Variants in CFAP74 observed in about 807,000 individuals in gnomAD.
The protein encoded by CFAP74 is cilia- and flagella-associated protein 74.
In CFAP74, 124 loss-of-function variants were observed where a neutral mutation model predicts 188.9. The observed-to-expected ratio is 0.66, with a 90% CI of 0.57 to 0.76. The LOEUF is 0.76. Ranked by LOEUF, CFAP74 falls within the 30% of genes least tolerant of loss-of-function variation. The pLI is 0.00. For synonymous variants in CFAP74, 956 were observed against 916.7 expected (o/e 1.04, Z -0.77); for missense variants, 2,198 against 2,165.2 (o/e 1.02, Z -0.30).
intron 1 of CFAP74, 123 bp downstream of exon 1, chr1:2,003,578 T>G (rs1401336906): frequency 6.6e-6 from 1 of 152,172 alleles, no homozygotes; most frequent in Non-Finnish European, 1.5e-5. Context: ...ATTAACAAAG[T>G]CATTTTTCTG....
intron 2 of CFAP74, among the ~76,000 whole-genome samples, chr1:1,989,520 G>T (rs577386413): frequency 6.6e-6 from 1 of 152,224 alleles, no homozygotes; most frequent in Non-Finnish European, 1.5e-5. Flanking sequence ...GAGTGCGGTG[G>T]CGTGATCTTG....
chr1:1,945,222 G>A lies in CFAP74; in HGVS notation c.2365-770C>T, dbSNP rs549496899. Among the ~76,000 whole-genome samples the A allele has an allele frequency of 1.9e-3, 285 of 152,134 alleles. No individual in the cohort carries two copies. The Middle Eastern group carries it at 0.027, about 15-fold the overall frequency. On this transcript the variant is annotated intron_variant, in intron 20 of 38. Coordinates refer to ENST00000682832, the MANE Select transcript of CFAP74 (RefSeq NM_001304360.2). ...CGTGGGAGGCTGAGGTGGGAGAATC[G>A]CTTGAACCCGGGAGGCAGAGGTTGC...
In CFAP74 at chr1:1,985,486, C is replaced by A. The variant is rs1446994577; in HGVS notation, c.400G>T (p.Ala134Ser). The change falls in exon 6 of 39, where the codon GCT becomes TCT. Residue 134 changes from alanine (A) to serine (S), a missense_variant. By Grantham distance (99) the Ala-to-Ser change is moderately conservative. Transcript: ENST00000682832. Reference sequence around the variant, plus strand: ...GACACGGCCTGGAGGCGGCCCACAGCGGCCCTGCAGTGGTGAACGGACAGG... The same window carrying A: ...GACACGGCCTGGAGGCGGCCCACAGAGGCCCTGCAGTGGTGAACGGACAGG... ...ATEEEAGNMA[A>S]VGRLQAVSRR... The A allele has an allele frequency of 1.2e-6, 2 of 1,613,480 alleles. No individual in the cohort carries two copies. Among genetic ancestry groups the A allele is most frequent in the African/African-American group, 2.7e-5 (2 of 75,076 alleles).
Position 1,988,621 on chromosome 1 carries a change from A to G in CFAP74, c.187T>C (p.Leu63=), listed in dbSNP as rs1657385713. The G allele has an allele frequency of 3.1e-6, 5 of 1,611,324 alleles. No individual in the cohort carries two copies. In the African/African-American group the frequency reaches 4.0e-5, roughly 13 times the overall value. The change falls in exon 4 of 39, where the codon TTG becomes CTG. Residue 63 remains leucine (L), a synonymous_variant. Transcript: ENST00000682832. ...CTGTCCTCAGCTGTTTTCTTCTTCA[A>G]TTTATCAGCATCAGTATCTAGTTCT... ...VKELDTDADK[L]KKKTAEDRTQ... is the part of the protein sequence containing the mutation.
chr1:1,990,462 G>C (rs1657503335), intron 2 of CFAP74, among the ~76,000 whole-genome samples: 1 of 151,392 alleles, frequency 6.6e-6, no homozygotes, highest in Non-Finnish European at 1.5e-5. Context: ...AACGGGGTGG[G>C]GAGTGGGGTG....
At position 1,970,947 on chromosome 1, in the gene CFAP74, C is replaced by G. The variant is rs563719067; in HGVS notation, c.889-131G>C. On this transcript the variant is annotated intron_variant, in intron 9 of 38. Coordinates refer to ENST00000682832, the MANE Select transcript of CFAP74 (RefSeq NM_001304360.2). ...CACACGTGCACACACACATGCACAC[C>G]TGCACATGCACACATCACACATGCA... The G allele has an allele frequency of 5.8e-5, 63 of 1,095,370 alleles. No homozygotes were observed. In the African/African-American group the frequency reaches 6.8e-4, roughly 12 times the overall value. The allele number at this position is 1,095,370 out of a possible 1,614,324, so 67.9% of individuals were successfully genotyped here. A position where few individuals can be genotyped will look rare whatever the true frequency, so the allele number is the denominator to read the frequency against.
At chr1:1,924,129 TCCAGCTCACTGCCCACCC>T (rs1431523832) in intron 34 of CFAP74, among the ~76,000 whole-genome samples, 200 bp from the exon 35 acceptor site, 2 of 35,122 alleles carry the variant, frequency 5.7e-5, no homozygotes, top group African/African-American at 2.7e-4. Flanking sequence ...AACCGCCCCC[TCCAGCTCACTGCCCACCC>T]CCCCAGCTCA....
Position 1,921,998 on chromosome 1 carries a change from C to T in CFAP74, c.*289G>A, listed in dbSNP as rs973392801. The T allele has an allele frequency of 1.6e-5, 7 of 437,948 alleles. No homozygotes were observed. The highest frequency in any genetic ancestry group is 1.2e-4 in the African/African-American group (6 of 48,538). 27.1% of individuals were successfully genotyped at this position (437,948 alleles called of 1,614,324 possible). A position where few individuals can be genotyped will look rare whatever the true frequency, so the allele number is the denominator to read the frequency against. ...ATTTATTGACAGGCTGTGGAGGGCT[C>T]TCCTGGGGGCTGGGGGCTCTGAGGG... On this transcript the variant is annotated 3_prime_UTR_variant, in exon 39 of 39. Coordinates refer to ENST00000682832, the MANE Select transcript of CFAP74 (RefSeq NM_001304360.2).
intron 19 of CFAP74, 140 bp downstream of exon 19, chr1:1,946,850 G>T: frequency 1.5e-6 from 1 of 683,368 alleles, no homozygotes; most frequent in Non-Finnish European, 2.5e-6. Flanking sequence ...GTCCCTGGTG[G>T]ACAAAGTCTG....
chr1:1,944,913 CTTTT>C (rs1379777544), intron 20 of CFAP74, among the ~76,000 whole-genome samples: 1 of 152,160 alleles, frequency 6.6e-6, no homozygotes, highest in Non-Finnish European at 1.5e-5. Flanking sequence ...GCCAAATATT[CTTTT>C]TATTTTCGAA....
chr1:1,997,221 G>A (rs989249658), intron 1 of CFAP74, among the ~76,000 whole-genome samples: 16 of 152,016 alleles, frequency 1.1e-4, no homozygotes, highest in Non-Finnish European at 2.9e-5. Flanking sequence ...TCAGGAGTTC[G>A]AGACCAGCCT....
At chr1:1,976,876 C>T (rs548328266) in intron 6 of CFAP74, among the ~76,000 whole-genome samples, 4 of 141,458 alleles carry the variant, frequency 2.8e-5, no homozygotes, top group African/African-American at 7.6e-5. Context: ...GAGACAGTCT[C>T]GCTCTGTTGC....
chr1:1,967,829 C>T (rs1233470949), intron 11 of CFAP74, among the ~76,000 whole-genome samples: 1 of 152,218 alleles, frequency 6.6e-6, no homozygotes, highest in African/African-American at 2.4e-5. Flanking sequence ...TACATTCCCC[C>T]AACTGAAGCC....
At chr1:1,985,657 C>A (rs930716804) in intron 5 of CFAP74, among the ~76,000 whole-genome samples, 167 bp from the exon 6 acceptor site, 2 of 152,272 alleles carry the variant, frequency 1.3e-5, no homozygotes, top group African/African-American at 4.8e-5. Context: ...TCCACATGCC[C>A]CTTTCCGCTG....
Position 1,973,183 on chromosome 1 carries a change from T to C in CFAP74, c.675-136A>G. Reference sequence around the variant, plus strand: ...TCAGCTCTGTCCCGCACAGCCTCCCTTGGGGAGGAGCGAGGGTCCCTGGAG... The same window carrying C: ...TCAGCTCTGTCCCGCACAGCCTCCCCTGGGGAGGAGCGAGGGTCCCTGGAG... On this transcript the variant is annotated intron_variant, in intron 7 of 38. Transcript: ENST00000682832. The surrounding 1 kb of genome is among the most constrained non-coding windows in gnomAD (Gnocchi z 6.2). 3.2e-6 allele frequency: 2 copies of C among 634,762 alleles called. No homozygotes were observed. The highest frequency in any genetic ancestry group is 5.5e-6 in the Non-Finnish European group (2 of 366,080). The allele number at this position is 634,762 out of a possible 1,614,324, so 39.3% of individuals were successfully genotyped here. A position where few individuals can be genotyped will look rare whatever the true frequency, so the allele number is the denominator to read the frequency against.
In CFAP74 at chr1:1,970,661, C is replaced by G. The variant is rs775597917; in HGVS notation, c.1044G>C (p.Lys348Asn). The G allele has an allele frequency of 4.1e-5, 66 of 1,605,820 alleles. No homozygotes were observed. The highest frequency in any genetic ancestry group is 4.9e-5 in the Non-Finnish European group (58 of 1,176,506). ...GGCACCTCTGCCACCACCCTCACCT[C>G]TTCTGGGCCTCCAGCTCCTGGCGCC... The part of the protein sequence containing the change: ...QRRRQELEAQ[K>N]RAFEEEQKLR... Residue 348 changes from lysine to asparagine, a missense_variant and splice_region_variant, in exon 10 of 39, where the codon AAG becomes AAC. Transcript: ENST00000682832.
intron 18 of CFAP74, chr1:1,953,692 G>A (rs947912823): frequency 2.0e-5 from 3 of 153,712 alleles, no homozygotes; most frequent in African/African-American, 7.2e-5. Flanking sequence ...CAGGGGAAAT[G>A]AGCCTCAGCC....
intron 25 of CFAP74, among the ~76,000 whole-genome samples, chr1:1,935,433 C>T (rs866489653): frequency 2.3e-5 from 2 of 88,814 alleles, no homozygotes; most frequent in Admixed American, 1.3e-4. Context: ...TAGGTACACA[C>T]GTGTGTACGT....
chr1:1,923,103 A>G lies in CFAP74; in HGVS notation c.4565T>C (p.Leu1522Pro), dbSNP rs370934431. The G allele has an allele frequency of 8.1e-6, 13 of 1,608,500 alleles. No homozygotes were observed. The African/African-American group carries it at 1.5e-4, about 18-fold the overall frequency. ...GTCCAGGGTCACCAGGATGGGCCTCAGCTCCTCAGCTTCTGGAGAGAGAGG... is the reference window on the plus strand; with the variant it reads ...GTCCAGGGTCACCAGGATGGGCCTCGGCTCCTCAGCTTCTGGAGAGAGAGG... Reference protein sequence around the residue: ...PGPLSPEAEELRPILVTLDYI... With the variant: ...PGPLSPEAEEPRPILVTLDYI... Residue 1522 changes from leucine (L) to proline (P), a missense_variant, in exon 37 of 39, where the codon CTG becomes CCG. Leu to Pro is a moderately conservative substitution (Grantham distance 98). Coordinates refer to ENST00000682832, the MANE Select transcript of CFAP74 (RefSeq NM_001304360.2). This position sits in a 1 kb window ranked among gnomAD's most constrained non-coding sequence, Gnocchi z 6.3.
Sources: allele counts gnomAD v4.1 joint callset (sites outside exome capture counted in the v4.1 genomes callset), GRCh38; gene constraint gnomAD v4.1.1; non-coding constraint Gnocchi (gnomAD v3.1); transcripts MANE v1.5; gene names NCBI Gene and HGNC (gene_info 2026-07-23, HGNC 2026-07-21).